SERPING1: variants seen among roughly 807,000 people sequenced by gnomAD.
The protein encoded by SERPING1 is plasma protease C1 inhibitor.
SERPING1 carries 5 observed loss-of-function variants against 34.1 expected under a neutral mutation model. The ratio of observed to expected loss-of-function variants is 0.15; its 90% CI spans 0.08 to 0.31. SERPING1 has a LOEUF of 0.31. Among genes scored for constraint, SERPING1 ranks in the 10% least tolerant of loss-of-function variants. The probability of loss-of-function intolerance (pLI) is 1.00; values close to 1 mark genes in which losing one functional copy is unlikely to be tolerated. For missense variants in SERPING1, 505 were observed against 609.5 expected (o/e 0.83, Z 1.81); for synonymous variants, 225 against 242.4 (o/e 0.93, Z 0.67).
At chr11:57,612,083 A>G in intron 7 of SERPING1, 147 bp downstream of exon 7, 1 of 739,916 alleles carries the variant, frequency 1.4e-6, no homozygotes, top group Non-Finnish European at 2.4e-6. Context: ...GGTAGGTGCT[A>G]TTATCCCATT....
chr11:57,612,426 C>T (rs778697488), intron 7 of SERPING1, among the ~76,000 whole-genome samples: 3 of 136,742 alleles, frequency 2.2e-5, no homozygotes, highest in Non-Finnish European at 3.1e-5. Context: ...TTTTTTGAGA[C>T]GGAGTCTTGC....
rs994631849 is a variant in SERPING1, at chr11:57,614,410, G to A, written c.1332G>A (p.Gln444=). 2 of 1,614,032 alleles carry A rather than the reference G, an allele frequency of 1.2e-6. No homozygotes were observed. The highest frequency in any genetic ancestry group is 1.1e-5 in the South Asian group (1 of 91,088). The change falls in exon 8 of 8, where the codon CAG becomes CAA. Residue 444 remains glutamine (Q), a synonymous_variant. Transcript: ENST00000278407. ...TTCAGGTTTCTGCGATGCAGCACCA[G>A]ACAGTGCTGGAACTGACAGAGACTG... ...PDLQVSAMQH[Q]TVLELTETGV...
rs1384719853 is a variant in SERPING1 at position 57,598,253 on chromosome 11, G to A, written c.-18G>A. ...CGAGGCTGGCTGGCTCCGCAGGTCC[G>A]CTGACGTCGCCGCCCAGATGGCCTC... On this transcript the variant is annotated 5_prime_UTR_variant, in exon 2 of 8. Coordinates refer to ENST00000278407, the MANE Select transcript of SERPING1 (RefSeq NM_000062.3). 6.5e-7 allele frequency: 1 copy of A among 1,545,938 alleles called. No individual in the cohort carries two copies.
intron 6 of SERPING1, among the ~76,000 whole-genome samples, chr11:57,608,504 T>TTTTG (rs768489485): frequency 4.6e-5 from 7 of 151,768 alleles, no homozygotes; most frequent in African/African-American, 9.7e-5. Flanking sequence ...CCAATATGAG[T>TTTTG]TTTGTTTGTT....
At position 57,606,090 on chromosome 11, in the gene SERPING1, G is replaced by A; in HGVS notation, c.766G>A (p.Asp256Asn). ...CCCCAGAGTCCTAAGCAACAACAGT[G>A]ACGCCAACTTGGAGCTCATCAACAC... ...SSPRVLSNNSDANLELINTWV... is the reference protein window; with the variant it reads ...SSPRVLSNNSNANLELINTWV... The change falls in exon 5 of 8, where the codon GAC becomes AAC. Residue 256 changes from aspartate to asparagine, a missense_variant. Physicochemically the swap from Asp to Asn is conservative, Grantham distance 23. Transcript: ENST00000278407. The A allele has an allele frequency of 2.5e-6, 4 of 1,614,116 alleles. No individual in the cohort carries two copies. The highest frequency in any genetic ancestry group is 3.4e-6 in the Non-Finnish European group (4 of 1,180,026).
chr11:57,598,998 G>A (rs1457174044), intron 2 of SERPING1, among the ~76,000 whole-genome samples: 1 of 152,094 alleles, frequency 6.6e-6, no homozygotes, highest in African/African-American at 2.4e-5. Flanking sequence ...TTATGAGCAG[G>A]GAGTTTGGAA....
intron 2 of SERPING1, 132 bp downstream of exon 2, chr11:57,598,453 G>A (rs1454925902): frequency 1.2e-6 from 1 of 860,068 alleles, no homozygotes; most frequent in African/African-American, 1.7e-5. Flanking sequence ...GGATCATTGA[G>A]TGTGATCCTT....
At chr11:57,608,104 T>C (rs1945432290) in intron 6 of SERPING1, among the ~76,000 whole-genome samples, 1 of 152,044 alleles carries the variant, frequency 6.6e-6, no homozygotes, top group South Asian at 2.1e-4. Context: ...CACAGAAGAG[T>C]GAATATATGT....
intron 7 of SERPING1, among the ~76,000 whole-genome samples, chr11:57,613,604 A>G (rs549866347): frequency 6.6e-6 from 1 of 152,324 alleles, no homozygotes; most frequent in Admixed American, 6.5e-5. Flanking sequence ...TATCCTGTGG[A>G]GTTCTGTTTG....
intron 2 of SERPING1, among the ~76,000 whole-genome samples, chr11:57,599,472 C>A (rs559491328): frequency 1.3e-5 from 2 of 152,240 alleles, no homozygotes; most frequent in South Asian, 4.1e-4. Flanking sequence ...TGTTCTAAAT[C>A]AAGGAGCACA....
In SERPING1 at chr11:57,611,948, C is replaced by T; in HGVS notation, c.1249+12C>T. ...CATGGAGAAATTGGGTGAGCTCTGGCAGCTTAGGGTTACTCCCAGGCCATC... is the reference window on the plus strand; with the variant it reads ...CATGGAGAAATTGGGTGAGCTCTGGTAGCTTAGGGTTACTCCCAGGCCATC... On this transcript the variant is annotated intron_variant, in intron 7 of 7. Coordinates refer to ENST00000278407, the MANE Select transcript of SERPING1 (RefSeq NM_000062.3). 3 of 1,606,588 alleles carry T rather than the reference C, an allele frequency of 1.9e-6. No individual in the cohort carries two copies. The South Asian group carries it at 3.3e-5, about 18-fold the overall frequency.
intron 6 of SERPING1, 79 bp from the exon 7 acceptor site, chr11:57,611,638 G>A: frequency 1.4e-5 from 18 of 1,310,270 alleles, no homozygotes; most frequent in Non-Finnish European, 1.9e-5. Context: ...GCAGACTGCA[G>A]GACAGCATTG....
At chr11:57,597,844 C>A in intron 1 of SERPING1, 122 bp downstream of exon 1, 1 of 177,480 alleles carries the variant, frequency 5.6e-6, no homozygotes, top group Non-Finnish European at 1.2e-5. Context: ...TCTCTATAGG[C>A]TTGCTTCCAC....
chr11:57,614,561 G>A lies in SERPING1; in HGVS notation c.1483G>A (p.Val495Ile). ...QHKFPVFMGR[V>I]YDPRA ...CAAGTTCCCTGTCTTCATGGGGCGA[G>A]TATATGACCCCAGGGCCTGAGACCT... The change falls in exon 8 of 8, where the codon GTA becomes ATA. Residue 495 changes from valine to isoleucine, a missense_variant. Transcript: ENST00000278407. 6.2e-7 allele frequency: 1 copy of A among 1,613,994 alleles called. No individual in the cohort carries two copies. Among genetic ancestry groups the A allele is most frequent in the Non-Finnish European group, 8.5e-7 (1 of 1,180,010 alleles).
intron 4 of SERPING1, among the ~76,000 whole-genome samples, chr11:57,604,328 A>G (rs1945384418): frequency 6.6e-6 from 1 of 152,156 alleles, no homozygotes; most frequent in Non-Finnish European, 1.5e-5. Context: ...GTTATTAAGT[A>G]GGTAATAATG....
rs1945328864 is a variant in SERPING1, at chr11:57,599,989, A to G, written c.162A>G (p.Leu54=). The change falls in exon 3 of 8, where the codon CTA becomes CTG. Residue 54 remains leucine (L), a synonymous_variant. Coordinates refer to ENST00000278407, the MANE Select transcript of SERPING1 (RefSeq NM_000062.3). ...CAACAACAGTTATCTCCAAGATGCT[A>G]TTCGTTGAACCCATCCTGGAGGTTT... is the stretch of plus-strand genomic sequence containing the variant. The part of the protein sequence containing the change: ...KVATTVISKM[L]FVEPILEVSS... 2.5e-6 allele frequency: 4 copies of G among 1,614,220 alleles called. No individual in the cohort carries two copies. Among genetic ancestry groups the G allele is most frequent in the Non-Finnish European group, 3.4e-6 (4 of 1,180,044 alleles).
At chr11:57,598,946 T>TGC (rs386373853) in intron 2 of SERPING1, among the ~76,000 whole-genome samples, 2 of 151,834 alleles carry the variant, frequency 1.3e-5, no homozygotes, top group Non-Finnish European at 2.9e-5. Flanking sequence ...TGTGTGTGTG[T>TGC]GCACGCGCAA....
chr11:57,611,616 C>A, intron 6 of SERPING1, 101 bp from the exon 7 acceptor site: 1 of 1,105,238 alleles, frequency 9.0e-7, no homozygotes, highest in Non-Finnish European at 1.4e-6. Flanking sequence ...TGTTGAAATA[C>A]AGACTGTGGG....
intron 2 of SERPING1, 113 bp downstream of exon 2, chr11:57,598,434 C>T (rs919177783): frequency 1.0e-4 from 107 of 1,037,482 alleles, no homozygotes; most frequent in Admixed American, 5.1e-4. Context: ...ATGAGGAGAG[C>T]TCCTCTTGGG....
Sources: allele counts gnomAD v4.1 joint callset (sites outside exome capture counted in the v4.1 genomes callset), GRCh38; gene constraint gnomAD v4.1.1; transcripts MANE v1.5; gene names NCBI Gene and HGNC (gene_info 2026-07-23, HGNC 2026-07-21).